METTL4: variants seen among roughly 807,000 people sequenced by gnomAD.
METTL4 encodes N(6)-adenine-specific methyltransferase METTL4.
METTL4 carries 40 observed loss-of-function variants against 54.0 expected under a neutral mutation model. The ratio of observed to expected loss-of-function variants is 0.74; its 90% confidence interval spans 0.58 to 0.96. The LOEUF (loss-of-function observed/expected upper bound fraction) is 0.96, where lower values mean the gene tolerates loss of function less well. Ranked by LOEUF, METTL4 falls within the 50% of genes least tolerant of loss-of-function variation. The pLI, the probability that METTL4 is intolerant of heterozygous loss-of-function variation, is 0.00. For missense variants in METTL4, 525 were observed against 549.0 expected, an observed-to-expected ratio of 0.96 and a Z score of 0.44; for synonymous variants, 169 against 183.8, an observed-to-expected ratio of 0.92 and a Z score of 0.65.
rs999722600 is a variant in METTL4 at position 2,538,020 on chromosome 18, T to C, written c.*980A>G. 5.0e-6 allele frequency: 2 copies of C among 398,216 alleles called. No homozygotes were observed. The highest frequency in any genetic ancestry group is 4.1e-5 in the African/African-American group (2 of 48,626). The allele number at this position is 398,216 out of a possible 1,614,324, so 24.7% of individuals were successfully genotyped here. ...ACAACTGTATATATGTTTTCAAAATTCACTGAATTTGACACTGAAAATTGG... is the reference window on the plus strand; with the variant it reads ...ACAACTGTATATATGTTTTCAAAATCCACTGAATTTGACACTGAAAATTGG... On this transcript the variant is annotated 3_prime_UTR_variant, in exon 9 of 9. Coordinates refer to ENST00000574538, the MANE Select transcript of METTL4 (RefSeq NM_022840.5).
chr18:2,546,571 A>T (rs531405374), intron 6 of METTL4, among the ~76,000 whole-genome samples: 3 of 152,234 alleles, frequency 2.0e-5, no homozygotes, highest in African/African-American at 7.2e-5. Flanking sequence ...GTACAACTCC[A>T]CTGTGTCAAA....
In METTL4 at chr18:2,538,461, T is replaced by C. The variant is rs1357707484; in HGVS notation, c.*539A>G. 6.5e-6 allele frequency: 1 copy of C among 153,346 alleles called. No individual in the cohort carries two copies. Among genetic ancestry groups the C allele is most frequent in the African/African-American group, 2.4e-5 (1 of 41,484 alleles). The allele number at this position is 153,346 out of a possible 1,614,324, so 9.5% of individuals were successfully genotyped here. ...ACATAAGTGAGCAGCATGGTGGCAG[T>C]GGTACTGTGGCAAAGTGGAGAGCAC... is the stretch of plus-strand genomic sequence containing the variant. On this transcript the variant is annotated 3_prime_UTR_variant, in exon 9 of 9. Transcript: ENST00000574538.
chr18:2,538,992 G>C lies in METTL4; in HGVS notation c.*8C>G, dbSNP rs764788390. 7.4e-6 allele frequency: 12 copies of C among 1,612,596 alleles called. No individual in the cohort carries two copies. In the South Asian group the frequency reaches 1.3e-4, roughly 18 times the overall value. On this transcript the variant is annotated 3_prime_UTR_variant, in exon 9 of 9. Coordinates refer to ENST00000574538, the MANE Select transcript of METTL4 (RefSeq NM_022840.5). ...ATGAAGAAACCACTACTTTAATCAA[G>C]ATCATAGTCAGCTTCCAGACTCCAC...
intron 8 of METTL4, among the ~76,000 whole-genome samples, chr18:2,541,431 A>G (rs927073459): frequency 1.3e-5 from 2 of 152,230 alleles, no homozygotes. Flanking sequence ...ACATCAGTGC[A>G]TATAATCCCA....
intron 5 of METTL4, among the ~76,000 whole-genome samples, chr18:2,552,333 G>A (rs570503011): frequency 1.3e-5 from 2 of 152,162 alleles, no homozygotes; most frequent in South Asian, 2.1e-4. Context: ...ATTTAAGAAT[G>A]AATTAGACAA....
intron 8 of METTL4, among the ~76,000 whole-genome samples, chr18:2,539,347 T>C (rs892201836): frequency 1.3e-5 from 2 of 152,144 alleles, no homozygotes; most frequent in African/African-American, 4.8e-5. Context: ...GGGAACAATA[T>C]CATCTGAACT....
At chr18:2,549,402 G>T (rs1312420194) in intron 5 of METTL4, among the ~76,000 whole-genome samples, 2 of 152,178 alleles carry the variant, frequency 1.3e-5, no homozygotes, top group African/African-American at 4.8e-5. Flanking sequence ...AAGAAGAGGA[G>T]AGGAAAAGGT....
chr18:2,549,464 T>C (rs955166773), intron 5 of METTL4, among the ~76,000 whole-genome samples: 1 of 151,986 alleles, frequency 6.6e-6, no homozygotes, highest in Non-Finnish European at 1.5e-5. Flanking sequence ...GAAGAGAAAT[T>C]CCCTCAATTC....
At chr18:2,545,969 G>A (rs2072064045) in intron 6 of METTL4, among the ~76,000 whole-genome samples, 1 of 151,978 alleles carries the variant, frequency 6.6e-6, no homozygotes, top group South Asian at 2.1e-4. Flanking sequence ...ACATTTTACT[G>A]GGTTTGATTT....
At chr18:2,557,297 A>C (rs2072252940) in intron 3 of METTL4, among the ~76,000 whole-genome samples, 1 of 152,108 alleles carries the variant, frequency 6.6e-6, no homozygotes, top group East Asian at 1.9e-4. Context: ...TGGGAAAATG[A>C]GTACCCCAAA....
chr18:2,569,651 C>T lies in METTL4; in HGVS notation c.-439+1498G>A, dbSNP rs1035442429. 8.5e-5 allele frequency among the ~76,000 whole-genome samples: 13 copies of T among 152,318 alleles called. 1 individual carries two copies. The South Asian group carries it at 1.7e-3, about 19-fold the overall frequency. On this transcript the variant is annotated intron_variant, in intron 1 of 8. Transcript: ENST00000574538. ...CACTGTCCTGTCCCCACCTCTTCCA[C>T]TCCCACCCTTGGCCAAAGCACAGAT...
At position 2,544,228 on chromosome 18, in the gene METTL4, A is replaced by T. The variant is rs2072035962; in HGVS notation, c.1240T>A (p.Cys414Ser). The T allele has an allele frequency of 2.5e-6, 4 of 1,613,296 alleles. No individual in the cohort carries two copies. Among genetic ancestry groups the T allele is most frequent in the Non-Finnish European group, 3.4e-6 (4 of 1,179,724 alleles). The change falls in exon 8 of 9, where the codon TGT (cysteine) becomes AGT (serine). Residue 414 changes from cysteine to serine, a missense_variant. By Grantham distance (112) the Cys-to-Ser change is moderately radical. Transcript: ENST00000574538. Reference sequence around the variant, plus strand: ...GGTGGCTTATGTGAGTGAAGAGTACAGGGCACGCTGACAATTAATTTGTGG... The same window carrying T: ...GGTGGCTTATGTGAGTGAAGAGTACTGGGCACGCTGACAATTAATTTGTGG... The part of the protein sequence containing the change: ...PDHKLIVSVP[C>S]TLHSHKPPLA...
intron 4 of METTL4, 43 bp from the exon 5 acceptor site, chr18:2,552,807 G>T: frequency 7.5e-7 from 1 of 1,328,026 alleles, no homozygotes; most frequent in South Asian, 1.2e-5. Context: ...TTCTCTATGT[G>T]ATCACTTTAA....
intron 2 of METTL4, among the ~76,000 whole-genome samples, chr18:2,565,734 ACGTTTGTT>A (rs1428329416): frequency 1.3e-5 from 2 of 152,124 alleles, no homozygotes; most frequent in Admixed American, 6.5e-5. Context: ...AAGAGCTCAA[ACGTTTGTT>A]CGGTGAGTAA....
intron 8 of METTL4, chr18:2,540,978 A>G (rs947163080): frequency 1.1e-6 from 1 of 934,738 alleles, no homozygotes; most frequent in Non-Finnish European, 1.3e-6. Context: ...ATGTTTTATG[A>G]GAGTTTACAA....
At chr18:2,551,279 G>C (rs1325614517) in intron 5 of METTL4, among the ~76,000 whole-genome samples, 44 of 151,154 alleles carry the variant, frequency 2.9e-4, no homozygotes, top group Non-Finnish European at 1.5e-5. Flanking sequence ...AAATATTCAA[G>C]GCTAACTTAC....
chr18:2,539,485 T>TAA (rs1260702129), intron 8 of METTL4, among the ~76,000 whole-genome samples: 3 of 114,502 alleles, frequency 2.6e-5, no homozygotes, highest in South Asian at 2.9e-4. Flanking sequence ...TTATTTAATT[T>TAA]TTTTTTTTTT....
At chr18:2,561,683 T>C (rs2072321217) in intron 3 of METTL4, 1 of 152,230 alleles carries the variant, frequency 6.6e-6, no homozygotes, top group Non-Finnish European at 1.5e-5. Flanking sequence ...TCAGCAAATA[T>C]TCTGTCCTAC....
At chr18:2,559,497 A>T (rs2143560130) in intron 3 of METTL4, among the ~76,000 whole-genome samples, 1 of 152,310 alleles carries the variant, frequency 6.6e-6, no homozygotes, top group African/African-American at 2.4e-5. Context: ...GGATGTGGTA[A>T]TGATGGCATG....
Sources: allele counts gnomAD v4.1 joint callset (sites outside exome capture counted in the v4.1 genomes callset), GRCh38; gene constraint gnomAD v4.1.1; transcripts MANE v1.5; gene names NCBI Gene and HGNC (gene_info 2026-07-23, HGNC 2026-07-21).